Variants in CCSER1 observed in about 807,000 individuals in gnomAD.
The protein encoded by CCSER1 is coiled-coil serine rich protein 1, also known as serine-rich coiled-coil domain-containing protein 1.
Under a neutral mutation model 82.0 loss-of-function variants are expected in CCSER1, and 41 were observed. That is an observed-to-expected ratio of 0.50 (90% confidence interval 0.39 to 0.65). The LOEUF is 0.65. CCSER1 is among the 30% of genes least tolerant of loss of function. The probability of loss-of-function intolerance (pLI) is 0.00; values close to 1 mark genes in which losing one functional copy is unlikely to be tolerated. For missense variants in CCSER1, 1,119 were observed against 1,064.2 expected (o/e 1.05, Z -0.72); for synonymous variants, 414 against 383.9 (o/e 1.08, Z -0.92).
At chr4:90,138,365 C>T (rs1226509036) in intron 1 of CCSER1, among the ~76,000 whole-genome samples, 2 of 152,130 alleles carry the variant, frequency 1.3e-5, no homozygotes, top group African/African-American at 4.8e-5. Context: ...CTAAGAATGA[C>T]ATGAATTTTG....
At chr4:91,531,896 A>G (rs1357487850) in intron 10 of CCSER1, among the ~76,000 whole-genome samples, 3 of 152,174 alleles carry the variant, frequency 2.0e-5, no homozygotes, top group African/African-American at 7.2e-5. Context: ...GATTTTTAAT[A>G]GAGATAAGGT....
intron 4 of CCSER1, among the ~76,000 whole-genome samples, chr4:90,450,313 T>G (rs1761277927): frequency 6.6e-6 from 1 of 152,184 alleles, no homozygotes; most frequent in Non-Finnish European, 1.5e-5. Flanking sequence ...TAAAATAGAC[T>G]AATCATTCTG....
rs528556975 is a variant in CCSER1 at position 91,154,429 on chromosome 4, A to G, written c.2217+68435A>G. ...TTTGTTACGGCTTCCCTTGGTTTGG[A>G]AAGGGAATTCCCTGACCACTTGCGC... On this transcript the variant is annotated intron_variant, in intron 10 of 10. Coordinates refer to ENST00000509176, the MANE Select transcript of CCSER1 (RefSeq NM_001145065.2). 2.2e-4 allele frequency among the ~76,000 whole-genome samples: 34 copies of G among 152,110 alleles called. 1 individual carries two copies. The highest frequency in any genetic ancestry group is 1.3e-4 in the Non-Finnish European group (9 of 67,910).
chr4:90,210,205 T>G (rs1223686815), intron 1 of CCSER1, among the ~76,000 whole-genome samples: 1 of 152,250 alleles, frequency 6.6e-6, no homozygotes, highest in African/African-American at 2.4e-5. Flanking sequence ...TTGACCTGTA[T>G]CAGCAGGCAA....
chr4:90,423,074 A>G (rs941950414), intron 4 of CCSER1, among the ~76,000 whole-genome samples: 4 of 152,158 alleles, frequency 2.6e-5, no homozygotes, highest in Non-Finnish European at 5.9e-5. Context: ...CTTGGCATCA[A>G]TAGTAACTTG....
At chr4:91,315,580 T>A (rs935850520) in intron 10 of CCSER1, among the ~76,000 whole-genome samples, 1 of 152,000 alleles carries the variant, frequency 6.6e-6, no homozygotes, top group African/African-American at 2.4e-5. Flanking sequence ...CATTAATTCA[T>A]TGAACTGAAG....
At chr4:90,358,703 G>A (rs938593930) in intron 3 of CCSER1, among the ~76,000 whole-genome samples, 1 of 152,044 alleles carries the variant, frequency 6.6e-6, no homozygotes, top group African/African-American at 2.4e-5. Context: ...ATTTGGGGGA[G>A]AAACAAATAT....
At chr4:91,019,769 TG>T (rs1308816862) in intron 9 of CCSER1, among the ~76,000 whole-genome samples, 2 of 152,158 alleles carry the variant, frequency 1.3e-5, no homozygotes, top group Non-Finnish European at 2.9e-5. Flanking sequence ...CAGGAGTCAT[TG>T]ATAAATGGGA....
At chr4:90,838,985 A>G in intron 8 of CCSER1, 1 of 1,613,016 alleles carries the variant, frequency 6.2e-7, no homozygotes, top group Non-Finnish European at 8.5e-7. Flanking sequence ...TGTCTTCTTC[A>G]GTTTCGGCTT....
At chr4:91,598,414 G>A (rs961434616) in intron 10 of CCSER1, among the ~76,000 whole-genome samples, 158 bp from the exon 11 acceptor site, 17 of 151,814 alleles carry the variant, frequency 1.1e-4, no homozygotes, top group African/African-American at 1.9e-4. Context: ...GTATTGCACC[G>A]GAAAATTTAA....
At chr4:91,255,631 A>C (rs950189347) in intron 10 of CCSER1, among the ~76,000 whole-genome samples, 3 of 152,200 alleles carry the variant, frequency 2.0e-5, no homozygotes, top group African/African-American at 7.2e-5. Context: ...GACCTGCTGA[A>C]GCTGTGACAG....
intron 5 of CCSER1, among the ~76,000 whole-genome samples, chr4:90,593,814 C>T (rs1238449790): frequency 6.6e-6 from 1 of 151,876 alleles, no homozygotes; most frequent in Non-Finnish European, 1.5e-5. Flanking sequence ...ATAATTTCTT[C>T]TTATTGTACT....
intron 9 of CCSER1, among the ~76,000 whole-genome samples, chr4:90,930,872 A>C (rs1019586233): frequency 1.4e-5 from 2 of 147,580 alleles, no homozygotes; most frequent in African/African-American, 2.5e-5. Flanking sequence ...TGTGGTCTAC[A>C]ATCAGGAAAA....
chr4:90,544,082 C>T (rs764450290), intron 5 of CCSER1, among the ~76,000 whole-genome samples: 9 of 152,056 alleles, frequency 5.9e-5, no homozygotes, highest in African/African-American at 9.7e-5. Context: ...AGGGGACTAC[C>T]GGATGAGGGC....
intron 10 of CCSER1, among the ~76,000 whole-genome samples, chr4:91,351,171 T>A (rs1051242763): frequency 2.6e-5 from 4 of 151,786 alleles, no homozygotes; most frequent in African/African-American, 9.7e-5. Flanking sequence ...GAATATTTCC[T>A]TCATGACACT....
At chr4:91,306,367 C>T (rs891422674) in intron 10 of CCSER1, among the ~76,000 whole-genome samples, 2 of 151,888 alleles carry the variant, frequency 1.3e-5, no homozygotes, top group Non-Finnish European at 2.9e-5. Flanking sequence ...TTCTCTAAAA[C>T]AGATTCTTCT....
intron 5 of CCSER1, among the ~76,000 whole-genome samples, chr4:90,567,682 T>C (rs1181601399): frequency 6.6e-6 from 1 of 150,998 alleles, no homozygotes; most frequent in Admixed American, 6.6e-5. Context: ...CACAGCTCAC[T>C]GCAGCCTCAG....
Position 90,579,300 on chromosome 4 carries a change from A to G in CCSER1, c.1725-48725A>G, listed in dbSNP as rs1278964302. Reference sequence around the variant, plus strand: ...AGCTCTACTAGGATTCTTGTAATCAACACAGTCATTTTGAACAATTTGAGG... The same window carrying G: ...AGCTCTACTAGGATTCTTGTAATCAGCACAGTCATTTTGAACAATTTGAGG... On this transcript the variant is annotated intron_variant, in intron 5 of 10. Transcript: ENST00000509176. Among the ~76,000 whole-genome samples, 4 of 152,192 alleles carry G rather than the reference A, an allele frequency of 2.6e-5. No homozygotes were observed. The East Asian group carries it at 5.8e-4, about 22-fold the overall frequency.
chr4:90,146,239 A>G (rs1019191634), intron 1 of CCSER1, among the ~76,000 whole-genome samples: 4 of 152,126 alleles, frequency 2.6e-5, no homozygotes, highest in African/African-American at 7.2e-5. Context: ...GCACAGATGT[A>G]GAATTTTAAT....
Sources: allele counts gnomAD v4.1 joint callset (sites outside exome capture counted in the v4.1 genomes callset), GRCh38; gene constraint gnomAD v4.1.1; transcripts MANE v1.5; gene names NCBI Gene and HGNC (gene_info 2026-07-23, HGNC 2026-07-21).